Variants in CCDC60 observed in about 807,000 individuals in gnomAD.
The protein encoded by CCDC60 is coiled-coil domain containing 60.
Under a neutral mutation model 63.5 loss-of-function variants are expected in CCDC60, and 54 were observed. That is an observed-to-expected ratio of 0.85 (90% confidence interval 0.68 to 1.07). The LOEUF is 1.07. Ranked by LOEUF, CCDC60 falls within the 50% of genes least tolerant of loss-of-function variation. The probability of loss-of-function intolerance (pLI) is 0.00; values close to 1 mark genes in which losing one functional copy is unlikely to be tolerated. For missense variants in CCDC60, 651 were observed against 684.3 expected (o/e 0.95, Z 0.54); for synonymous variants, 206 against 238.8 (o/e 0.86, Z 1.27).
chr12:119,538,461 C>G (rs1166406462), intron 13 of CCDC60, among the ~76,000 whole-genome samples: 1 of 152,224 alleles, frequency 6.6e-6, no homozygotes, highest in Non-Finnish European at 1.5e-5. Context: ...AACCAGGTAC[C>G]TCAGTTGGAA....
chr12:119,340,336 G>T (rs1218123273), intron 1 of CCDC60, among the ~76,000 whole-genome samples: 1 of 152,168 alleles, frequency 6.6e-6, no homozygotes, highest in Non-Finnish European at 1.5e-5. Context: ...TTACGGCGTT[G>T]TTTAATCCTT....
intron 4 of CCDC60, among the ~76,000 whole-genome samples, chr12:119,485,858 T>G (rs1359134493): frequency 6.6e-6 from 1 of 152,164 alleles, no homozygotes; most frequent in African/African-American, 2.4e-5. Context: ...AGGGTCAGGT[T>G]TGCATCCGTT....
At chr12:119,347,280 A>C (rs928606773) in intron 1 of CCDC60, among the ~76,000 whole-genome samples, 2 of 152,132 alleles carry the variant, frequency 1.3e-5, no homozygotes, top group African/African-American at 2.4e-5. Flanking sequence ...AACTAATGAG[A>C]GATGAGGCTC....
intron 9 of CCDC60, 56 bp from the exon 10 acceptor site, chr12:119,522,883 C>G: frequency 6.5e-7 from 1 of 1,547,230 alleles, no homozygotes; most frequent in South Asian, 1.1e-5. Context: ...ACTGGGGGCA[C>G]CCTTTTCTTG....
intron 1 of CCDC60, among the ~76,000 whole-genome samples, chr12:119,417,927 C>T (rs752488103): frequency 1.7e-4 from 26 of 152,106 alleles, no homozygotes; most frequent in African/African-American, 2.9e-4. Flanking sequence ...CTGACATTTA[C>T]GGAAGACCCA....
At chr12:119,372,217 A>G (rs1565974754) in intron 1 of CCDC60, among the ~76,000 whole-genome samples, 1 of 152,088 alleles carries the variant, frequency 6.6e-6, no homozygotes, top group Non-Finnish European at 1.5e-5. Flanking sequence ...CTGAGATCAC[A>G]CCACCGCACT....
rs1261084273 is a variant in CCDC60, at chr12:119,456,049, AAG to A, written c.171-15943_171-15942del. Among the ~76,000 whole-genome samples the A allele has an allele frequency of 6.9e-5, 10 of 144,240 alleles. 1 individual carries two copies. The highest frequency in any genetic ancestry group is 1.2e-4 in the Non-Finnish European group (8 of 66,576). 94.6% of individuals were successfully genotyped at this position (144,240 alleles called of 152,430 possible). A position where few individuals can be genotyped will look rare whatever the true frequency, so the allele number is the denominator to read the frequency against. On this transcript the variant is annotated intron_variant, in intron 2 of 13. Coordinates refer to ENST00000327554, the MANE Select transcript of CCDC60 (RefSeq NM_178499.5). This position sits in a 1 kb window ranked among gnomAD's most constrained non-coding sequence, Gnocchi z 4.6. Reference sequence around the variant, plus strand: ...AAAGAAAGAAAGAAAGAAAGAAAGAAAGAAAGAAAGAAAGCAAGCAAGCATGT... The same window carrying A: ...AAAGAAAGAAAGAAAGAAAGAAAGAAAAAGAAAGAAAGCAAGCAAGCATGT...
chr12:119,478,851 C>T (rs904055138), intron 3 of CCDC60, among the ~76,000 whole-genome samples: 49 of 152,004 alleles, frequency 3.2e-4, no homozygotes, highest in Middle Eastern at 3.2e-3. Context: ...GTGATCCACC[C>T]GCCTCGGCCT....
intron 1 of CCDC60, among the ~76,000 whole-genome samples, chr12:119,369,013 A>C (rs1477066137): frequency 1.3e-5 from 2 of 152,184 alleles, no homozygotes; most frequent in African/African-American, 2.4e-5. Context: ...TTGGTGACAG[A>C]GGAAGAATTG....
chr12:119,394,652 GA>G (rs1956218886), intron 1 of CCDC60, among the ~76,000 whole-genome samples: 1 of 152,250 alleles, frequency 6.6e-6, no homozygotes, highest in East Asian at 1.9e-4. Flanking sequence ...CCCCAAGACT[GA>G]ATGGGAAAAT....
intron 1 of CCDC60, among the ~76,000 whole-genome samples, chr12:119,421,718 G>A (rs1181372145): frequency 1.3e-5 from 2 of 152,088 alleles, no homozygotes; most frequent in African/African-American, 2.4e-5. Flanking sequence ...ACTGAGACTG[G>A]GGAGTAAAGT....
chr12:119,402,128 T>TG (rs1474317123), intron 1 of CCDC60, among the ~76,000 whole-genome samples: 1 of 152,196 alleles, frequency 6.6e-6, no homozygotes, highest in Non-Finnish European at 1.5e-5. Flanking sequence ...TCTGATTGGC[T>TG]GGGCCTGCAT....
chr12:119,389,132 C>T (rs1467171701), intron 1 of CCDC60, among the ~76,000 whole-genome samples: 1 of 152,166 alleles, frequency 6.6e-6, no homozygotes, highest in African/African-American at 2.4e-5. Flanking sequence ...TCAGAAGGGA[C>T]AAGAAAGGCA....
intron 1 of CCDC60, among the ~76,000 whole-genome samples, chr12:119,370,359 A>G (rs1955885157): frequency 6.6e-6 from 1 of 152,238 alleles, no homozygotes; most frequent in Non-Finnish European, 1.5e-5. Context: ...TGTCATGATA[A>G]TGAATTGCCG....
chr12:119,365,829 A>T (rs972777652), intron 1 of CCDC60, among the ~76,000 whole-genome samples: 1 of 152,226 alleles, frequency 6.6e-6, no homozygotes, highest in African/African-American at 2.4e-5. Context: ...TCTCTTTGAT[A>T]GGAGACACAC....
chr12:119,506,438 CAAAAAA>C (rs35584778), intron 7 of CCDC60, among the ~76,000 whole-genome samples: 5 of 87,390 alleles, frequency 5.7e-5, no homozygotes, highest in African/African-American at 8.6e-5. Flanking sequence ...CCTCATCTCT[CAAAAAA>C]AAAAAAAAAA....
chr12:119,484,934 A>G (rs114678763), intron 4 of CCDC60, among the ~76,000 whole-genome samples: 2,034 of 152,248 alleles, frequency 0.013, 39 homozygotes, highest in African/African-American at 0.046. Flanking sequence ...CAGGAACCCA[A>G]AGGTGAGGAC....
At chr12:119,362,955 G>A (rs544362458) in intron 1 of CCDC60, among the ~76,000 whole-genome samples, 3 of 152,242 alleles carry the variant, frequency 2.0e-5, no homozygotes, top group South Asian at 4.1e-4. Context: ...AAAAATTAGC[G>A]GGTGTGGTGG....
At position 119,421,606 on chromosome 12, in the gene CCDC60, A is replaced by G. The variant is rs142017691; in HGVS notation, c.91-7077A>G. Reference sequence around the variant, plus strand: ...TTTCATATAAGAATGCACTTGGGACAGTGCAGAGCACATAGGAGATTGGCA... The same window carrying G: ...TTTCATATAAGAATGCACTTGGGACGGTGCAGAGCACATAGGAGATTGGCA... On this transcript the variant is annotated intron_variant, in intron 1 of 13. Coordinates refer to ENST00000327554, the MANE Select transcript of CCDC60 (RefSeq NM_178499.5). Among the ~76,000 whole-genome samples, 36 of 152,350 alleles carry G rather than the reference A, an allele frequency of 2.4e-4. 2 individuals carry two copies. In the East Asian group the frequency reaches 6.4e-3, roughly 27 times the overall value.
Sources: gnomAD v4.1 joint callset for allele counts (sites outside exome capture counted in the v4.1 genomes callset) on GRCh38, gnomAD v4.1.1 for gene constraint, Gnocchi (gnomAD v3.1) non-coding constraint, MANE v1.5 for transcripts, NCBI Gene and HGNC (gene_info 2026-07-23, HGNC 2026-07-21) for gene names.